ZNF578: variants seen among roughly 807,000 people sequenced by gnomAD.
The protein encoded by ZNF578 is zinc finger protein 578.
ZNF578 carries 8 observed loss-of-function variants against 8.3 expected under a neutral mutation model. That is an observed-to-expected ratio of 0.96 (90% confidence interval 0.56 to 1.74). The LOEUF (loss-of-function observed/expected upper bound fraction) is 1.74. Ranked by LOEUF, ZNF578 falls within the 40% of genes most tolerant of loss-of-function variation. The probability of loss-of-function intolerance (pLI) is 0.00; values close to 1 mark genes in which losing one functional copy is unlikely to be tolerated. For synonymous variants in ZNF578, 206 were observed against 232.2 expected (o/e 0.89, Z 1.03); for missense variants, 726 against 707.5 (o/e 1.03, Z -0.30).
chr19:52,487,958 C>G (rs1189795288), intron 2 of ZNF578, among the ~76,000 whole-genome samples: 10 of 150,262 alleles, frequency 6.7e-5, no homozygotes, highest in Admixed American at 3.3e-4. Context: ...TAGCCCCCCC[C>G]CCTTTTTTTT....
At chr19:52,510,454 T>G (rs1902543012) in intron 5 of ZNF578, 118 bp from the exon 6 acceptor site, 2 of 1,328,176 alleles carry the variant, frequency 1.5e-6, no homozygotes, top group South Asian at 4.9e-5. Context: ...TCGTAAACTT[T>G]GAAGATCATG....
At chr19:52,461,564 T>C (rs557913921) in intron 2 of ZNF578, among the ~76,000 whole-genome samples, 1 of 152,298 alleles carries the variant, frequency 6.6e-6, no homozygotes, top group East Asian at 1.9e-4. Flanking sequence ...CCAAACTCCT[T>C]CTCTGGCCCT....
chr19:52,492,166 A>G (rs2059367605), intron 3 of ZNF578, among the ~76,000 whole-genome samples: 2 of 66,214 alleles, frequency 3.0e-5, no homozygotes, highest in Non-Finnish European at 5.4e-5. Flanking sequence ...TCAAAAAAAA[A>G]AAAAAAAAAA....
At chr19:52,485,236 C>G (rs571441911) in intron 2 of ZNF578, among the ~76,000 whole-genome samples, 1 of 152,248 alleles carries the variant, frequency 6.6e-6, no homozygotes, top group East Asian at 1.9e-4. Flanking sequence ...ACTCTGGATC[C>G]TAGTAAGAAC....
At chr19:52,499,753 T>C (rs995545696) in intron 3 of ZNF578, among the ~76,000 whole-genome samples, 2 of 149,530 alleles carry the variant, frequency 1.3e-5, no homozygotes, top group African/African-American at 4.9e-5. Context: ...TGCCATGATA[T>C]CAGCTCACTG....
At chr19:52,496,670 G>A (rs1291863797) in intron 3 of ZNF578, among the ~76,000 whole-genome samples, 4 of 150,888 alleles carry the variant, frequency 2.7e-5, no homozygotes, top group African/African-American at 7.3e-5. Context: ...ACAGAGTCTC[G>A]CTCTGTCACC....
chr19:52,473,678 TG>T (rs1250769355), intron 2 of ZNF578: 1 of 213,454 alleles, frequency 4.7e-6, no homozygotes, highest in Non-Finnish European at 9.3e-6. Flanking sequence ...AATTCTCTGA[TG>T]AATTGTTAAG....
chr19:52,484,661 T>TGG (rs1350170966), intron 2 of ZNF578, among the ~76,000 whole-genome samples: 1 of 151,880 alleles, frequency 6.6e-6, no homozygotes. Context: ...GAAGTGAAAA[T>TGG]GGCCTGTTCC....
At chr19:52,476,255 C>G (rs2059308032) in intron 2 of ZNF578, among the ~76,000 whole-genome samples, 1 of 152,194 alleles carries the variant, frequency 6.6e-6, no homozygotes, top group African/African-American at 2.4e-5. Context: ...TCACCATCTT[C>G]CGGGCTTTTT....
chr19:52,480,655 T>A (rs1315455751), intron 2 of ZNF578, among the ~76,000 whole-genome samples: 1 of 151,276 alleles, frequency 6.6e-6, no homozygotes, highest in South Asian at 2.1e-4. Flanking sequence ...CCCAGCACTT[T>A]AAGAGGCCGA....
At chr19:52,481,944 G>A (rs1469131679) in intron 2 of ZNF578, among the ~76,000 whole-genome samples, 2 of 151,994 alleles carry the variant, frequency 1.3e-5, no homozygotes, top group Non-Finnish European at 2.9e-5. Flanking sequence ...TGTTTCCCAG[G>A]CTGGTCTCAA....
At chr19:52,509,562 G>A (rs1239728086) in intron 5 of ZNF578, among the ~76,000 whole-genome samples, 1 of 152,122 alleles carries the variant, frequency 6.6e-6, no homozygotes, top group Non-Finnish European at 1.5e-5. Context: ...GCCAAAGGGG[G>A]TGGAGACCAG....
chr19:52,480,696 G>A (rs1238781742), intron 2 of ZNF578, among the ~76,000 whole-genome samples: 1 of 151,682 alleles, frequency 6.6e-6, no homozygotes, highest in East Asian at 1.9e-4. Flanking sequence ...AGGAGTTCAA[G>A]ACGAGCGTGG....
chr19:52,474,118 A>G (rs114711631), intron 2 of ZNF578: 409 of 347,142 alleles, frequency 1.2e-3, no homozygotes, highest in African/African-American at 8.3e-3. Context: ...GGGATAAACT[A>G]TGCCTGAAGA....
At chr19:52,495,861 A>G (rs1351315078) in intron 3 of ZNF578, among the ~76,000 whole-genome samples, 3 of 151,916 alleles carry the variant, frequency 2.0e-5, no homozygotes, top group Non-Finnish European at 2.9e-5. Flanking sequence ...TTCCCTTTTC[A>G]TGGCTGGGGT....
chr19:52,494,560 A>G (rs551836066), intron 3 of ZNF578, among the ~76,000 whole-genome samples: 11 of 152,320 alleles, frequency 7.2e-5, no homozygotes. Flanking sequence ...GGATATGATT[A>G]GTTGTGACAT....
At chr19:52,489,353 G>A (rs1403573515) in intron 2 of ZNF578, among the ~76,000 whole-genome samples, 1 of 152,144 alleles carries the variant, frequency 6.6e-6, no homozygotes. Flanking sequence ...ACTTTGGAAG[G>A]CTGATGCGGG....
At chr19:52,508,926 G>C (rs1357446278) in intron 5 of ZNF578, among the ~76,000 whole-genome samples, 1 of 117,568 alleles carries the variant, frequency 8.5e-6, no homozygotes, top group Admixed American at 1.1e-4. Context: ...TTTTGAGATG[G>C]AGTCCTGCCC....
chr19:52,455,248 G>C (rs1477180995), intron 1 of ZNF578: 1 of 141,528 alleles, frequency 7.1e-6, no homozygotes, highest in Non-Finnish European at 1.5e-5. Flanking sequence ...TGTCCAGGCT[G>C]GATTGCAATG....
Sources: gnomAD v4.1 joint callset for allele counts (sites outside exome capture counted in the v4.1 genomes callset) on GRCh38, gnomAD v4.1.1 for gene constraint, MANE v1.5 for transcripts, NCBI Gene and HGNC (gene_info 2026-07-23, HGNC 2026-07-21) for gene names.